Variants in WWOX observed in about 807,000 individuals in gnomAD.
WWOX encodes WW domain containing oxidoreductase.
A neutral mutation model predicts 46.2 loss-of-function variants in WWOX; 69 were observed. The observed-to-expected ratio is 1.49, with a 90% CI of 1.23 to 1.82. The LOEUF (loss-of-function observed/expected upper bound fraction) is 1.82. Among genes scored for constraint, WWOX ranks in the 40% most tolerant of loss-of-function variants. The pLI, the probability that WWOX is intolerant of heterozygous loss-of-function variation, is 0.00. For missense variants in WWOX, 919 were observed against 542.6 expected, an observed-to-expected ratio of 1.69 and a Z score of -6.89; for synonymous variants, 359 against 202.6, an observed-to-expected ratio of 1.77 and a Z score of -6.56.
intron 8 of WWOX, among the ~76,000 whole-genome samples, chr16:78,467,510 A>C (rs2084109264): frequency 6.6e-6 from 1 of 152,160 alleles, no homozygotes; most frequent in East Asian, 1.9e-4. Flanking sequence ...TTGTTTATTG[A>C]CTTCAAAAAA....
At chr16:78,754,619 T>C (rs938062084) in intron 8 of WWOX, among the ~76,000 whole-genome samples, 2 of 152,170 alleles carry the variant, frequency 1.3e-5, no homozygotes, top group African/African-American at 2.4e-5. Context: ...GTTTTAATTA[T>C]ATAAAAAAAG....
intron 8 of WWOX, among the ~76,000 whole-genome samples, chr16:78,697,515 G>A (rs1374241774): frequency 6.6e-6 from 1 of 151,948 alleles, no homozygotes; most frequent in Non-Finnish European, 1.5e-5. Flanking sequence ...GTCTATACAA[G>A]GACTAATATC....
At chr16:78,996,370 G>GGGGGGGGGGGGCGCCCC in intron 8 of WWOX, 1 of 834,528 alleles carries the variant, frequency 1.2e-6, no homozygotes, top group Non-Finnish European at 1.4e-6. Flanking sequence ...AGTGAATTCT[G>GGGGGGGGGGGGCGCCCC]CACCCACCCC....
At chr16:78,874,415 G>C (rs934797090) in intron 8 of WWOX, among the ~76,000 whole-genome samples, 1 of 152,046 alleles carries the variant, frequency 6.6e-6, no homozygotes, top group Admixed American at 6.6e-5. Flanking sequence ...GTCAAGTCCC[G>C]CTCCCTTGGA....
intron 8 of WWOX, among the ~76,000 whole-genome samples, chr16:79,109,915 T>G (rs910747318): frequency 6.6e-6 from 1 of 152,180 alleles, no homozygotes; most frequent in African/African-American, 2.4e-5. Context: ...AAACAGAAAC[T>G]TTGGAGTAGT....
chr16:78,405,778 A>C (rs968647378), intron 6 of WWOX, among the ~76,000 whole-genome samples: 4 of 152,154 alleles, frequency 2.6e-5, no homozygotes, highest in Non-Finnish European at 5.9e-5. Context: ...CTGTCAAACA[A>C]GGTGGGCATT....
chr16:78,963,462 C>T lies in WWOX; in HGVS notation c.1057-248146C>T, dbSNP rs183755379. On this transcript the variant is annotated intron_variant, in intron 8 of 8. Coordinates refer to ENST00000566780, the MANE Select transcript of WWOX (RefSeq NM_016373.4). ...CAACTTGGGCGACAGAGTAATACCC[C>T]GTCTCAGAAACAAAAACAAATAAAC... 2.0e-4 allele frequency among the ~76,000 whole-genome samples: 31 copies of T among 152,152 alleles called. No individual in the cohort carries two copies. The East Asian group carries it at 5.4e-3, about 27-fold the overall frequency.
chr16:78,632,714 A>C (rs2046464098), intron 8 of WWOX, among the ~76,000 whole-genome samples: 1 of 151,502 alleles, frequency 6.6e-6, no homozygotes. Flanking sequence ...GTGCGCCACC[A>C]CGCCCAGCTG....
chr16:78,768,279 T>TAAAA lies in WWOX; in HGVS notation c.1056+335545_1056+335548dup, dbSNP rs56280651. On this transcript the variant is annotated intron_variant, in intron 8 of 8. Coordinates refer to ENST00000566780, the MANE Select transcript of WWOX (RefSeq NM_016373.4). ...GCAAGCCAAAAAGTGATAGATGAGT[T>TAAAA]AAAAAAAAAAAAAAAAAAAAAGTTG... Among the ~76,000 whole-genome samples, 4 of 91,960 alleles carry TAAAA rather than the reference T, an allele frequency of 4.3e-5. 1 individual carries two copies. Among genetic ancestry groups the TAAAA allele is most frequent in the Middle Eastern group, 9.1e-3 (1 of 110 alleles). 60.3% of individuals were successfully genotyped at this position (91,960 alleles called of 152,430 possible).
At chr16:78,757,220 A>T (rs769988751) in intron 8 of WWOX, among the ~76,000 whole-genome samples, 24 of 152,306 alleles carry the variant, frequency 1.6e-4, no homozygotes, top group Non-Finnish European at 3.2e-4. Context: ...TAGTTTTGGG[A>T]TAATTTGTTA....
intron 5 of WWOX, chr16:78,355,847 G>A (rs568626302): frequency 9.0e-6 from 6 of 665,028 alleles, no homozygotes; most frequent in South Asian, 8.4e-5. Context: ...CAAAGAATTT[G>A]TCCTGTACGG....
intron 8 of WWOX, among the ~76,000 whole-genome samples, chr16:78,597,870 C>A (rs1382121834): frequency 6.6e-6 from 1 of 150,832 alleles, no homozygotes; most frequent in African/African-American, 2.4e-5. Flanking sequence ...GTGTTTATTC[C>A]CCTCGTCAGC....
intron 8 of WWOX, among the ~76,000 whole-genome samples, chr16:78,961,747 G>A (rs2046274901): frequency 6.6e-6 from 1 of 152,162 alleles, no homozygotes; most frequent in South Asian, 2.1e-4. Context: ...GTCTGAGGAG[G>A]AACTTGGGGA....
chr16:78,207,970 G>A (rs1185352953), intron 5 of WWOX, among the ~76,000 whole-genome samples: 3 of 152,048 alleles, frequency 2.0e-5, no homozygotes, highest in East Asian at 1.9e-4. Context: ...TTGCCACCAC[G>A]CCCAGCTAAT....
chr16:78,365,262 A>G (rs2081508232), intron 5 of WWOX, among the ~76,000 whole-genome samples: 2 of 152,214 alleles, frequency 1.3e-5, no homozygotes, highest in Admixed American at 6.5e-5. Context: ...GATTGTCTCC[A>G]ACGCATCCAT....
chr16:78,655,262 G>T (rs575963129), intron 8 of WWOX, among the ~76,000 whole-genome samples: 2 of 152,120 alleles, frequency 1.3e-5, no homozygotes, highest in African/African-American at 2.4e-5. Flanking sequence ...GTGGTGGGGC[G>T]TGGGCACTAA....
intron 8 of WWOX, among the ~76,000 whole-genome samples, chr16:78,554,573 C>T (rs895923751): frequency 3.9e-5 from 6 of 151,978 alleles, no homozygotes; most frequent in Non-Finnish European, 8.8e-5. Context: ...TGATACATAT[C>T]CATGCATATA....
intron 8 of WWOX, among the ~76,000 whole-genome samples, chr16:78,859,813 G>T (rs187806486): frequency 6.9e-6 from 1 of 144,768 alleles, no homozygotes; most frequent in South Asian, 2.4e-4. Flanking sequence ...AAAATGAAGA[G>T]GAAATTTAAT....
At chr16:78,795,276 A>G (rs999693945) in intron 8 of WWOX, among the ~76,000 whole-genome samples, 1 of 152,198 alleles carries the variant, frequency 6.6e-6, no homozygotes, top group Non-Finnish European at 1.5e-5. Flanking sequence ...TAAATACTTT[A>G]TATAATTTAC....
Sources: gnomAD v4.1 joint callset for allele counts (sites outside exome capture counted in the v4.1 genomes callset) on GRCh38, gnomAD v4.1.1 for gene constraint, MANE v1.5 for transcripts, NCBI Gene and HGNC (gene_info 2026-07-23, HGNC 2026-07-21) for gene names.